The following LEF1 variants were observed in gnomAD, a reference collection of about 807,000 sequenced individuals.
LEF1 encodes the protein lymphoid enhancer binding factor 1.
LEF1 carries 14 observed loss-of-function variants against 51.2 expected under a neutral mutation model. The observed-to-expected ratio is 0.27, with a 90% CI of 0.18 to 0.43. LEF1 has a LOEUF of 0.43. LEF1 is among the 20% of genes least tolerant of loss of function. The probability of loss-of-function intolerance (pLI) is 1.00; values close to 1 mark genes in which losing one functional copy is unlikely to be tolerated. For synonymous variants in LEF1, 185 were observed against 183.2 expected (o/e 1.01, Z -0.08); for missense variants, 386 against 512.0 (o/e 0.75, Z 2.37).
At chr4:108,076,277 G>C (rs1738854175) in intron 8 of LEF1, among the ~76,000 whole-genome samples, 1 of 152,082 alleles carries the variant, frequency 6.6e-6, no homozygotes, top group African/African-American at 2.4e-5. Flanking sequence ...TCTGTATTCT[G>C]TCATAAAACT....
chr4:108,093,536 G>A (rs538844108), intron 3 of LEF1, among the ~76,000 whole-genome samples: 129 of 152,096 alleles, frequency 8.5e-4, no homozygotes, highest in African/African-American at 2.8e-3. Flanking sequence ...TTATCCCAGG[G>A]TCACAGGATG....
In LEF1 at chr4:108,092,759, A is replaced by G. The variant is rs189719481; in HGVS notation, c.415-3502T>C. Reference sequence around the variant, plus strand: ...TGCAGAGTTATACATGCCCGTGTGCATATGTGTGTATTTATTAAGCACCTA... The same window carrying G: ...TGCAGAGTTATACATGCCCGTGTGCGTATGTGTGTATTTATTAAGCACCTA... On this transcript the variant is annotated intron_variant, in intron 3 of 11. Coordinates refer to ENST00000265165, the MANE Select transcript of LEF1 (RefSeq NM_016269.5). 1.8e-4 allele frequency among the ~76,000 whole-genome samples: 28 copies of G among 152,190 alleles called. No individual in the cohort carries two copies. The East Asian group carries it at 4.0e-3, about 22-fold the overall frequency.
At chr4:108,120,832 G>A (rs757367817) in intron 3 of LEF1, among the ~76,000 whole-genome samples, 6 of 152,114 alleles carry the variant, frequency 3.9e-5, no homozygotes, top group Admixed American at 6.5e-5. Flanking sequence ...CTTATGTTGC[G>A]GAATACAAGA....
chr4:108,132,153 G>A (rs931896314), intron 3 of LEF1, among the ~76,000 whole-genome samples: 2 of 152,154 alleles, frequency 1.3e-5, no homozygotes, highest in Non-Finnish European at 2.9e-5. Context: ...TTCACATTAT[G>A]TAAAAAACAT....
intron 3 of LEF1, among the ~76,000 whole-genome samples, chr4:108,158,055 A>C (rs1388447083): frequency 2.1e-5 from 3 of 143,988 alleles, no homozygotes; most frequent in African/African-American, 2.6e-5. Flanking sequence ...CCCCACCTCC[A>C]CCCCCAGTCT....
At chr4:108,088,026 T>C (rs897530578) in intron 4 of LEF1, among the ~76,000 whole-genome samples, 1 of 152,226 alleles carries the variant, frequency 6.6e-6, no homozygotes, top group African/African-American at 2.4e-5. Flanking sequence ...CCTAGAAATG[T>C]CTGCATCGGT....
At chr4:108,138,557 T>C (rs1306014786) in intron 3 of LEF1, among the ~76,000 whole-genome samples, 1 of 152,034 alleles carries the variant, frequency 6.6e-6, no homozygotes, top group East Asian at 1.9e-4. Context: ...ACCTAGCATA[T>C]ACATTTCTAC....
At chr4:108,161,455 T>A (rs1745047849) in intron 3 of LEF1, among the ~76,000 whole-genome samples, 1 of 152,214 alleles carries the variant, frequency 6.6e-6, no homozygotes, top group South Asian at 2.1e-4. Flanking sequence ...GACCAACATT[T>A]ATTCTGGCCA....
intron 3 of LEF1, among the ~76,000 whole-genome samples, chr4:108,145,430 A>ATAAT (rs1162948230): frequency 6.6e-6 from 1 of 152,268 alleles, no homozygotes; most frequent in Non-Finnish European, 1.5e-5. Flanking sequence ...TCAGATAATT[A>ATAAT]TATAGTTCAG....
Position 108,167,527 on chromosome 4 carries a change from C to T in LEF1, c.213+28G>A. On this transcript the variant is annotated intron_variant, in intron 1 of 11. Coordinates refer to ENST00000265165, the MANE Select transcript of LEF1 (RefSeq NM_016269.5). The surrounding 1 kb of genome is among the most constrained non-coding windows in gnomAD (Gnocchi z 5.7). ...AGTTTCCCAGGGACCCGCCACGCCT[C>T]TCGGAACTGGGGCAGCGGCCCGCTC... 1.9e-6 allele frequency: 3 copies of T among 1,611,364 alleles called. 1 individual carries two copies. The Middle Eastern group carries it at 5.2e-4, about 281-fold the overall frequency.
chr4:108,064,978 G>C (rs1038776684), intron 9 of LEF1, among the ~76,000 whole-genome samples: 3 of 152,128 alleles, frequency 2.0e-5, no homozygotes, highest in Non-Finnish European at 4.4e-5. Flanking sequence ...CAAGGAGAAA[G>C]GGAGAAGAGA....
intron 3 of LEF1, among the ~76,000 whole-genome samples, chr4:108,143,812 A>G (rs1011474330): frequency 6.6e-6 from 1 of 152,172 alleles, no homozygotes; most frequent in Non-Finnish European, 1.5e-5. Context: ...CTAAAAGCAT[A>G]TGGAATCTCA....
intron 4 of LEF1, 24 bp downstream of exon 4, chr4:108,089,101 G>C: frequency 6.2e-7 from 1 of 1,613,660 alleles, no homozygotes; most frequent in Non-Finnish European, 8.5e-7. Flanking sequence ...AAAAAAAAGG[G>C]CCTGGAAAGA....
intron 3 of LEF1, among the ~76,000 whole-genome samples, chr4:108,156,098 T>C (rs1744678919): frequency 6.6e-6 from 1 of 152,236 alleles, no homozygotes. Context: ...TACTTGAAGA[T>C]GGTTTTCTTT....
In LEF1 at chr4:108,123,365, GTTTATTT is replaced by G. The variant is rs1560806131; in HGVS notation, c.415-34115_415-34109del. On this transcript the variant is annotated intron_variant, in intron 3 of 11. Transcript: ENST00000265165. The stretch of plus-strand genomic sequence containing the variant: ...TCACTGCAGTTCCCTGGGAAGGTAG[GTTTATTT>G]CTAGTTTGCCTTTACTCTAAAGATA... Among the ~76,000 whole-genome samples, 6 of 149,310 alleles carry G rather than the reference GTTTATTT, an allele frequency of 4.0e-5. 1 individual carries two copies. Among genetic ancestry groups the G allele is most frequent in the African/African-American group, 1.2e-4 (5 of 40,220 alleles).
At chr4:108,079,373 A>C in intron 7 of LEF1, 119 bp downstream of exon 7, 1 of 1,102,666 alleles carries the variant, frequency 9.1e-7, no homozygotes, top group African/African-American at 1.6e-5. Context: ...TTCAAGGCAG[A>C]GGTGCATTGA....
intron 3 of LEF1, among the ~76,000 whole-genome samples, chr4:108,134,866 G>A (rs1185097807): frequency 2.0e-5 from 3 of 152,106 alleles, no homozygotes; most frequent in Non-Finnish European, 4.4e-5. Flanking sequence ...ATACTCAAAG[G>A]GTAATGATAA....
intron 3 of LEF1, among the ~76,000 whole-genome samples, chr4:108,101,922 T>A (rs1740850685): frequency 6.6e-6 from 1 of 151,950 alleles, no homozygotes; most frequent in African/African-American, 2.4e-5. Context: ...TAGCCAGACA[T>A]GGTGGCATGC....
At chr4:108,070,011 A>G (rs1237367044) in intron 9 of LEF1, among the ~76,000 whole-genome samples, 2 of 152,048 alleles carry the variant, frequency 1.3e-5, no homozygotes, top group African/African-American at 2.4e-5. Flanking sequence ...CTTTACCTCC[A>G]CAATGAATCT....
Sources: gnomAD v4.1 joint callset for allele counts (sites outside exome capture counted in the v4.1 genomes callset) on GRCh38, gnomAD v4.1.1 for gene constraint, Gnocchi (gnomAD v3.1) non-coding constraint, MANE v1.5 for transcripts, NCBI Gene and HGNC (gene_info 2026-07-23, HGNC 2026-07-21) for gene names.